ZFP64: variants seen among roughly 807,000 people sequenced by gnomAD.
ZFP64 encodes ZFP64 zinc finger protein.
A neutral mutation model predicts 51.6 loss-of-function variants in ZFP64; 14 were observed. The observed-to-expected ratio is 0.27, with a 90% CI of 0.18 to 0.42. The LOEUF (loss-of-function observed/expected upper bound fraction) is 0.42. ZFP64 is among the 10% of genes least tolerant of loss of function. The pLI is 1.00. For missense variants in ZFP64, 754 were observed against 906.8 expected (o/e 0.83, Z 2.16); for synonymous variants, 375 against 361.4 (o/e 1.04, Z -0.43).
intron 5 of ZFP64, among the ~76,000 whole-genome samples, chr20:52,124,966 C>T (rs1261653582): frequency 6.6e-6 from 1 of 152,152 alleles, no homozygotes; most frequent in East Asian, 1.9e-4. Flanking sequence ...TCCTGAAGCA[C>T]ATGCAGCTGT....
At chr20:52,175,859 C>CCAG in intron 2 of ZFP64, 1 of 309,018 alleles carries the variant, frequency 3.2e-6, no homozygotes, top group African/African-American at 2.3e-5. Context: ...CGCACCCCCG[C>CCAG]TGCCGCCCCC....
At chr20:52,185,189 A>G (rs1313668891) in intron 2 of ZFP64, among the ~76,000 whole-genome samples, 1 of 151,768 alleles carries the variant, frequency 6.6e-6, no homozygotes, top group East Asian at 1.9e-4. Flanking sequence ...ACGCTGGGCT[A>G]GTTTTCGTAT....
chr20:52,162,647 A>C (rs986110420), intron 4 of ZFP64, among the ~76,000 whole-genome samples: 3 of 152,286 alleles, frequency 2.0e-5, no homozygotes, highest in East Asian at 1.9e-4. Flanking sequence ...AACAAAAACA[A>C]AAACACAAAC....
intron 5 of ZFP64, among the ~76,000 whole-genome samples, chr20:52,143,951 T>C (rs1438544815): frequency 7.0e-6 from 1 of 143,474 alleles, no homozygotes; most frequent in Admixed American, 7.2e-5. Flanking sequence ...TAATTACTAC[T>C]CTGGAGATAC....
intron 5 of ZFP64, among the ~76,000 whole-genome samples, chr20:52,104,295 G>C (rs565594181): frequency 6.6e-6 from 1 of 152,296 alleles, no homozygotes; most frequent in East Asian, 1.9e-4. Context: ...AGCGAGAAAA[G>C]GTCCCCTCCC....
At position 52,085,052 on chromosome 20, in the gene ZFP64, G is replaced by A. The variant is rs1353194712; in HGVS notation, c.1443C>T (p.Asp481=). 2 of 1,614,224 alleles carry A rather than the reference G, an allele frequency of 1.2e-6. No homozygotes were observed. The highest frequency in any genetic ancestry group is 1.7e-5 in the Admixed American group (1 of 60,032). Residue 481 remains aspartate, a synonymous_variant, in exon 9 of 9, where the codon GAC becomes GAT. Coordinates refer to the ZFP64 transcript ENST00000361387. The surrounding 1 kb of genome is among the most constrained non-coding windows in gnomAD (Gnocchi z 4.3). ...GGTGCAGCCGGCTGTGCTCCAGGAG[G>A]TCAGCCCGGTCCCGGCCCTGGAAGG... is the stretch of plus-strand genomic sequence containing the variant.
chr20:52,129,507 A>C (rs1979619059), intron 5 of ZFP64, among the ~76,000 whole-genome samples: 2 of 152,020 alleles, frequency 1.3e-5, no homozygotes, highest in African/African-American at 4.8e-5. Flanking sequence ...AAATGTTCCA[A>C]TTACAAATAC....
exon 8 of ZFP64, chr20:52,088,499 T>C (rs1342409721): frequency 4.3e-6 from 7 of 1,614,090 alleles, no homozygotes; most frequent in African/African-American, 1.3e-5. Context: ...CAGGTGCTTC[T>C]TGAGGCTACT....
In ZFP64 at chr20:52,166,036, T is replaced by C. The variant is rs764876515; in HGVS notation, c.287-11A>G. 8.8e-6 allele frequency: 14 copies of C among 1,597,938 alleles called. No homozygotes were observed. The highest frequency in any genetic ancestry group is 4.1e-5 in the African/African-American group (3 of 73,548). On this transcript the variant is annotated splice_polypyrimidine_tract_variant and intron_variant, in intron 2 of 5. Transcript: ENST00000216923. ...ATTCTGGAGCTGAAACTAAAAGATA[T>C]GGTGATTATTAATTTTCTTAATATA... is the stretch of plus-strand genomic sequence containing the variant.
intron 2 of ZFP64, among the ~76,000 whole-genome samples, chr20:52,172,775 A>G (rs879337542): frequency 9.2e-5 from 14 of 152,004 alleles, no homozygotes; most frequent in Admixed American, 3.9e-4. Context: ...ATTAAAATCA[A>G]GCCTCCTGTT....
intron 1 of ZFP64, among the ~76,000 whole-genome samples, chr20:52,188,463 C>T (rs1247731714): frequency 1.6e-4 from 24 of 150,716 alleles, no homozygotes; most frequent in Non-Finnish European, 2.4e-4. Flanking sequence ...TACAGGCACC[C>T]GCCACTACGC....
intron 5 of ZFP64, chr20:52,111,090 C>CGGCAG (rs1441022070): frequency 3.0e-6 from 3 of 1,005,682 alleles, no homozygotes; most frequent in Non-Finnish European, 4.7e-6. Context: ...GAAGGGGAAG[C>CGGCAG]GGCAGGGAGA....
intron 5 of ZFP64, among the ~76,000 whole-genome samples, chr20:52,155,992 T>C (rs981845318): frequency 3.3e-5 from 5 of 152,210 alleles, no homozygotes; most frequent in African/African-American, 4.8e-5. Flanking sequence ...CATGCATAAA[T>C]GGCACACACT....
In ZFP64 at chr20:52,160,043, T is replaced by C. The variant is rs1981647189; in HGVS notation, c.763+80A>G. ...GGTTCCAACTCGATTTCTTACATTG[T>C]GGCTGAATGCTTTAAGGTGCTTATG... On this transcript the variant is annotated intron_variant, in intron 5 of 5. Transcript: ENST00000216923. This position sits in a 1 kb window ranked among gnomAD's most constrained non-coding sequence, Gnocchi z 4.2. The C allele has an allele frequency of 6.3e-7, 1 of 1,586,356 alleles. No individual in the cohort carries two copies. The highest frequency in any genetic ancestry group is 8.6e-7 in the Non-Finnish European group (1 of 1,166,898).
intron 7 of ZFP64, among the ~76,000 whole-genome samples, chr20:52,090,553 C>A (rs927004523): frequency 6.6e-6 from 1 of 152,152 alleles, no homozygotes; most frequent in African/African-American, 2.4e-5. Context: ...GTAATCCCAG[C>A]ACTTTGGGGG....
At chr20:52,095,787 C>T (rs374468367) in intron 7 of ZFP64, among the ~76,000 whole-genome samples, 15 of 152,182 alleles carry the variant, frequency 9.9e-5, no homozygotes, top group African/African-American at 3.4e-4. Context: ...TGTTCCAGGC[C>T]TTTCATTCTT....
At chr20:52,087,525 C>A (rs191926404) in intron 8 of ZFP64, among the ~76,000 whole-genome samples, 1 of 152,338 alleles carries the variant, frequency 6.6e-6, no homozygotes, top group East Asian at 1.9e-4. Flanking sequence ...ACTCTTACTT[C>A]CAGGATTAGT....
intron 7 of ZFP64, among the ~76,000 whole-genome samples, chr20:52,094,084 A>G (rs1029930854): frequency 6.6e-6 from 1 of 152,238 alleles, no homozygotes. Flanking sequence ...TTCCGGACAG[A>G]GGCAGATCTA....
In ZFP64 at chr20:52,090,611, C is replaced by T. The variant is rs181040485; in HGVS notation, c.977-1968G>A. 3.4e-3 allele frequency among the ~76,000 whole-genome samples: 511 copies of T among 151,984 alleles called. 2 individuals carry two copies. Among genetic ancestry groups the T allele is most frequent in the Non-Finnish European group, 5.6e-3 (378 of 67,966 alleles). On this transcript the variant is annotated intron_variant, in intron 7 of 8. Coordinates refer to the ZFP64 transcript ENST00000361387. ...GTCAGGAGTTCGAGACCAGCCTGGC[C>T]AACATGGTGAAATCCTGTCTCTACT...
Sources: allele counts gnomAD v4.1 joint callset (sites outside exome capture counted in the v4.1 genomes callset), GRCh38; gene constraint gnomAD v4.1.1; non-coding constraint Gnocchi (gnomAD v3.1); transcripts MANE v1.5; gene names NCBI Gene and HGNC (gene_info 2026-07-23, HGNC 2026-07-21).